ENPP3: variants seen among roughly 807,000 people sequenced by gnomAD.
ENPP3 encodes ectonucleotide pyrophosphatase/phosphodiesterase 3, also known as ectonucleotide pyrophosphatase/phosphodiesterase family member 3.
In ENPP3, 104 loss-of-function variants were observed where a neutral mutation model predicts 117.8. The observed-to-expected ratio is 0.88, with a 90% CI of 0.75 to 1.04. ENPP3 has a LOEUF of 1.04. Among genes scored for constraint, ENPP3 ranks in the 50% least tolerant of loss-of-function variants. The pLI is 0.00. For synonymous variants in ENPP3, 380 were observed against 349.9 expected (o/e 1.09, Z -0.96); for missense variants, 1,026 against 1,051.9 (o/e 0.98, Z 0.34).
At chr6:131,652,299 G>A (rs1371290693) in intron 3 of ENPP3, among the ~76,000 whole-genome samples, 1 of 152,190 alleles carries the variant, frequency 6.6e-6, no homozygotes, top group Admixed American at 6.5e-5. Context: ...TCTTCTCCAA[G>A]CTCACAGTGT....
chr6:131,689,002 G>T (rs543699443), intron 14 of ENPP3, among the ~76,000 whole-genome samples: 1 of 152,116 alleles, frequency 6.6e-6, no homozygotes, highest in South Asian at 2.1e-4. Flanking sequence ...GAAGGCGGAG[G>T]TTGCAGTGAG....
At chr6:131,720,742 C>T (rs1362539521) in intron 17 of ENPP3, among the ~76,000 whole-genome samples, 4 of 151,986 alleles carry the variant, frequency 2.6e-5, no homozygotes, top group South Asian at 2.1e-4. Flanking sequence ...CCACCAGGCC[C>T]GGCTACTTTT....
At chr6:131,667,202 A>G (rs1216092026) in intron 6 of ENPP3, among the ~76,000 whole-genome samples, 3 of 151,658 alleles carry the variant, frequency 2.0e-5, no homozygotes, top group African/African-American at 7.3e-5. Context: ...GGTGACTAAT[A>G]TGCTACATCA....
intron 11 of ENPP3, 28 bp from the exon 12 acceptor site, chr6:131,683,026 A>T (rs780401672): frequency 1.5e-6 from 2 of 1,358,644 alleles, no homozygotes; most frequent in Admixed American, 1.7e-5. Context: ...ACTCATTACG[A>T]CAATCTTAAC....
Position 131,738,048 on chromosome 6 carries a change from C to T in ENPP3, c.2185C>T (p.His729Tyr). The T allele has an allele frequency of 1.3e-6, 2 of 1,597,486 alleles. No individual in the cohort carries two copies. Among genetic ancestry groups the T allele is most frequent in the Non-Finnish European group, 1.7e-6 (2 of 1,170,870 alleles). ...EEFRKMWDYF[H>Y]SVLLIKHATE... ...ATTTTTAGAAATGTGGGACTACTTCCACAGTGTTCTTCTTATAAAACATGC... is the reference window on the plus strand; with the variant it reads ...ATTTTTAGAAATGTGGGACTACTTCTACAGTGTTCTTCTTATAAAACATGC... The change falls in exon 23 of 25, where the codon CAC (histidine) becomes TAC (tyrosine). Residue 729 changes from histidine (H) to tyrosine (Y), a missense_variant. Physicochemically the swap from His to Tyr is moderately conservative, Grantham distance 83 (BLOSUM62 2). Coordinates refer to ENST00000357639, the MANE Select transcript of ENPP3 (RefSeq NM_005021.5).
intron 21 of ENPP3, among the ~76,000 whole-genome samples, chr6:131,734,220 T>C (rs1003412700): frequency 3.9e-5 from 6 of 152,158 alleles, no homozygotes; most frequent in Admixed American, 1.3e-4. Flanking sequence ...GCTCATGCTG[T>C]AGGGCTAACA....
Position 131,722,258 on chromosome 6 carries a change from T to G in ENPP3, c.1599T>G (p.Asn533Lys). 1.9e-6 allele frequency: 3 copies of G among 1,613,924 alleles called. No individual in the cohort carries two copies. The highest frequency in any genetic ancestry group is 2.5e-6 in the Non-Finnish European group (3 of 1,179,908). Residue 533 changes from asparagine to lysine, a missense_variant, in exon 18 of 25, where the codon AAT becomes AAG. Asn to Lys is a moderately conservative substitution (Grantham distance 94, BLOSUM62 0). Transcript: ENST00000357639. ...TACGCATTCAACCAGCACCAAACAA[T>G]GGAACCCATGGTAGTTTAAACCATC... ...DLLRIQPAPN[N>K]GTHGSLNHLL... is the part of the protein sequence containing the mutation.
In ENPP3 at chr6:131,726,215, C is replaced by G. The variant is rs758623901; in HGVS notation, c.1953+15C>G. The stretch of plus-strand genomic sequence containing the variant: ...TCCCCCAGTTGGTAAGTTCCTGAGT[C>G]CATTGATCCATGCAGGCAAGAAATA... On this transcript the variant is annotated intron_variant, in intron 20 of 24. Transcript: ENST00000357639. The G allele has an allele frequency of 6.2e-7, 1 of 1,607,964 alleles. No individual in the cohort carries two copies. The highest frequency in any genetic ancestry group is 8.5e-7 in the Non-Finnish European group (1 of 1,175,552).
intron 9 of ENPP3, among the ~76,000 whole-genome samples, chr6:131,676,183 G>A (rs1417298213): frequency 2.0e-5 from 3 of 150,566 alleles, no homozygotes; most frequent in Admixed American, 2.0e-4. Context: ...TCTCAATATT[G>A]TCTTACCCCA....
chr6:131,747,316 A>G lies in ENPP3; in HGVS notation c.*360A>G, dbSNP rs1441274767. 1 of 154,192 alleles carries G rather than the reference A, an allele frequency of 6.5e-6. No individual in the cohort carries two copies. Among genetic ancestry groups the G allele is most frequent in the Non-Finnish European group, 1.4e-5 (1 of 69,468 alleles). The allele number at this position is 154,192 out of a possible 1,614,324, so 9.6% of individuals were successfully genotyped here. Reference sequence around the variant, plus strand: ...AAACAAAAGGGAGAACAAAAGAAGTATGTCTCACTTGGGAACTGAATCAAC... The same window carrying G: ...AAACAAAAGGGAGAACAAAAGAAGTGTGTCTCACTTGGGAACTGAATCAAC... On this transcript the variant is annotated 3_prime_UTR_variant, in exon 25 of 25. Transcript: ENST00000357639.
chr6:131,694,635 GACC>G (rs1442174712), intron 15 of ENPP3, among the ~76,000 whole-genome samples: 1 of 151,890 alleles, frequency 6.6e-6, no homozygotes, highest in African/African-American at 2.4e-5. Context: ...AGGAGTTCGA[GACC>G]AGCCTGGCCA....
rs1380331265 is a variant in ENPP3, at chr6:131,693,046, A to C, written c.1285-451A>C. On this transcript the variant is annotated intron_variant, in intron 14 of 24. Coordinates refer to ENST00000357639, the MANE Select transcript of ENPP3 (RefSeq NM_005021.5). ...TATATATGATATATAGTTATATATA[A>C]TATATATGTTTATATATTATATATT... 2.7e-5 allele frequency among the ~76,000 whole-genome samples: 4 copies of C among 145,574 alleles called. No homozygotes were observed. In the Admixed American group the frequency reaches 2.8e-4, roughly 10 times the overall value.
chr6:131,738,087 G>A lies in ENPP3; in HGVS notation c.2224G>A (p.Gly742Arg). ...LLIKHATERN[G>R]VNVVSGPIFD... ...TATAAAACATGCCACAGAAAGAAAT[G>A]GAGTAAATGTGGTTAGTGGACCAAT... is the stretch of plus-strand genomic sequence containing the variant. Residue 742 changes from glycine (G) to arginine (R), a missense_variant, in exon 23 of 25, where the codon GGA (glycine) becomes AGA (arginine). Physicochemically the swap from Gly to Arg is moderately radical, Grantham distance 125. Transcript: ENST00000357639. The A allele has an allele frequency of 6.2e-7, 1 of 1,604,366 alleles. No homozygotes were observed. The highest frequency in any genetic ancestry group is 2.2e-5 in the East Asian group (1 of 44,644).
Position 131,644,337 on chromosome 6 carries a change from G to A in ENPP3, c.154+2807G>A, listed in dbSNP as rs554729650. Reference sequence around the variant, plus strand: ...CCCTAGGGCTGCTGTGTTATGAATAGATAGTAGAGTGAGAGCAGAAGTAGA... The same window carrying A: ...CCCTAGGGCTGCTGTGTTATGAATAAATAGTAGAGTGAGAGCAGAAGTAGA... On this transcript the variant is annotated intron_variant, in intron 2 of 24. Coordinates refer to ENST00000357639, the MANE Select transcript of ENPP3 (RefSeq NM_005021.5). Among the ~76,000 whole-genome samples, 20 of 152,308 alleles carry A rather than the reference G, an allele frequency of 1.3e-4. No homozygotes were observed. In the South Asian group the frequency reaches 2.3e-3, roughly 17 times the overall value.
At chr6:131,692,500 A>G (rs1009802992) in intron 14 of ENPP3, among the ~76,000 whole-genome samples, 1 of 151,450 alleles carries the variant, frequency 6.6e-6, no homozygotes, top group Non-Finnish European at 1.5e-5. Flanking sequence ...GTTGGAAAGT[A>G]CTTTTTTGTG....
At chr6:131,744,150 C>A (rs1780585079) in intron 24 of ENPP3, among the ~76,000 whole-genome samples, 1 of 152,186 alleles carries the variant, frequency 6.6e-6, no homozygotes, top group Non-Finnish European at 1.5e-5. Flanking sequence ...ACAATTTTAT[C>A]CCACACTTGG....
chr6:131,735,755 C>T (rs1780383562), intron 21 of ENPP3, among the ~76,000 whole-genome samples: 1 of 151,978 alleles, frequency 6.6e-6, no homozygotes, highest in Non-Finnish European at 1.5e-5. Context: ...TTATATATTA[C>T]AGAATCTAAA....
Position 131,637,339 on chromosome 6 carries a change from G to C in ENPP3, c.-46G>C, listed in dbSNP as rs772087042. On this transcript the variant is annotated 5_prime_UTR_variant, in exon 1 of 25. Coordinates refer to ENST00000357639, the MANE Select transcript of ENPP3 (RefSeq NM_005021.5). ...TTTGCCAGACTAGACTAAAGAAGGA[G>C]CACTAATTTATTCTGATAAAACAGG... The C allele has an allele frequency of 1.7e-6, 2 of 1,193,742 alleles. No individual in the cohort carries two copies. Among genetic ancestry groups the C allele is most frequent in the Non-Finnish European group, 2.4e-6 (2 of 847,064 alleles). The allele number at this position is 1,193,742 out of a possible 1,614,324, so 73.9% of individuals were successfully genotyped here. A position where few individuals can be genotyped will look rare whatever the true frequency, so the allele number is the denominator to read the frequency against.
In ENPP3 at chr6:131,733,616, TC is replaced by T. The variant is rs1350388297; in HGVS notation, c.1985del (p.Pro662GlnfsTer22). 1 of 1,614,112 alleles carries T rather than the reference TC, an allele frequency of 6.2e-7. No homozygotes were observed. The highest frequency in any genetic ancestry group is 1.1e-5 in the South Asian group (1 of 91,074). ...LGDTSPLPPT[V>X]PDCLRADVRV... The stretch of plus-strand genomic sequence containing the variant: ...GACACATCGCCTCTGCCTCCCACTG[TC>T]CCAGACTGTCTGCGGGCTGATGTCA... On this transcript the variant is annotated frameshift_variant, in exon 21 of 25. Coordinates refer to ENST00000357639, the MANE Select transcript of ENPP3 (RefSeq NM_005021.5). LOFTEE classifies it high-confidence loss of function.
Sources: allele counts gnomAD v4.1 joint callset (sites outside exome capture counted in the v4.1 genomes callset), GRCh38; gene constraint gnomAD v4.1.1; transcripts MANE v1.5; gene names NCBI Gene and HGNC (gene_info 2026-07-23, HGNC 2026-07-21).